Variants in ARHGAP29 observed in about 807,000 individuals in gnomAD.
ARHGAP29 encodes Rho GTPase activating protein 29.
ARHGAP29 carries 43 observed loss-of-function variants against 122.6 expected under a neutral mutation model. The ratio of observed to expected loss-of-function variants is 0.35; its 90% CI spans 0.27 to 0.45. ARHGAP29 has a LOEUF of 0.45. ARHGAP29 is among the 20% of genes least tolerant of loss of function. ARHGAP29 has a pLI of 1.00. For missense variants in ARHGAP29, 1,303 were observed against 1,477.2 expected, an observed-to-expected ratio of 0.88 and a Z score of 1.93; for synonymous variants, 506 against 497.1, an observed-to-expected ratio of 1.02 and a Z score of -0.24.
In ARHGAP29 at chr1:94,174,144, C is replaced by A; in HGVS notation, c.3511G>T (p.Ala1171Ser). The change falls in exon 23 of 23, where the codon GCT (alanine) becomes TCT (serine). Residue 1171 changes from alanine to serine, a missense_variant. Coordinates refer to ENST00000260526, the MANE Select transcript of ARHGAP29 (RefSeq NM_004815.4). ...TTCCCCCTGATACTGATGATGGGAG[C>A]ATGTGGTTTATAAAATGTTGTCCAA... Reference protein sequence around the residue: ...QHWTTFYKPHAPIISIRGNEE... With the variant: ...QHWTTFYKPHSPIISIRGNEE... The A allele has an allele frequency of 1.2e-6, 2 of 1,614,144 alleles. No homozygotes were observed. The highest frequency in any genetic ancestry group is 1.7e-6 in the Non-Finnish European group (2 of 1,180,036).
chr1:94,237,588 G>GCCGCCACCGCCCCTGCAGCTA, upstream of ARHGAP29: 1 of 989,462 alleles, frequency 1.0e-6, no homozygotes, highest in Non-Finnish European at 1.2e-6. Flanking sequence ...CACCACTGCA[G>GCCGCCACCGCCCCTGCAGCTA]CCGCCACCGC....
At chr1:94,285,233 A>G in the ARHGAP29 span, among the ~76,000 whole-genome samples, 1 of 152,170 alleles carries the variant, frequency 6.6e-6, no homozygotes, top group African/African-American at 2.4e-5. Flanking sequence ...TTGACTGTAG[A>G]TTGAGTATGG....
chr1:94,285,340 TAAA>T, the ARHGAP29 span, among the ~76,000 whole-genome samples: 1 of 144,698 alleles, frequency 6.9e-6, no homozygotes, highest in East Asian at 2.0e-4. Context: ...AGATACAGGT[TAAA>T]AAAAAAAAAT....
intron 1 of ARHGAP29, among the ~76,000 whole-genome samples, chr1:94,259,165 G>A (rs949925746): frequency 6.6e-6 from 1 of 152,190 alleles, no homozygotes; most frequent in Non-Finnish European, 1.5e-5. Context: ...GTCATAAGGA[G>A]TGTTCTTTTA....
chr1:94,224,721 T>C (rs1312370487), intron 2 of ARHGAP29, among the ~76,000 whole-genome samples: 1 of 152,120 alleles, frequency 6.6e-6, no homozygotes, highest in Non-Finnish European at 1.5e-5. Flanking sequence ...AATCTGTCCC[T>C]GGATTTCAAG....
At chr1:94,179,074 T>C (rs1317015928) in intron 20 of ARHGAP29, among the ~76,000 whole-genome samples, 1 of 152,210 alleles carries the variant, frequency 6.6e-6, no homozygotes, top group Non-Finnish European at 1.5e-5. Flanking sequence ...ACTCTATTTG[T>C]CTGCAGATCT....
intron 3 of ARHGAP29, among the ~76,000 whole-genome samples, chr1:94,212,645 G>A (rs1432350479): frequency 6.6e-6 from 1 of 152,120 alleles, no homozygotes; most frequent in Non-Finnish European, 1.5e-5. Flanking sequence ...CAACTGTTGA[G>A]TAGTGAAAAG....
At chr1:94,267,564 A>T (rs1041438688) in intron 1 of ARHGAP29, among the ~76,000 whole-genome samples, 5 of 145,738 alleles carry the variant, frequency 3.4e-5, no homozygotes, top group African/African-American at 1.3e-4. Context: ...AATAGTTGTG[A>T]GTGAAAATTT....
upstream of ARHGAP29, among the ~76,000 whole-genome samples, chr1:94,277,897 C>G (rs1302659604): frequency 6.6e-6 from 1 of 152,184 alleles, no homozygotes; most frequent in African/African-American, 2.4e-5. Context: ...CAAGGTATAG[C>G]TACTGAAGGG....
chr1:94,200,308 A>G (rs920681962), intron 12 of ARHGAP29, among the ~76,000 whole-genome samples: 8 of 152,226 alleles, frequency 5.3e-5, no homozygotes, highest in Non-Finnish European at 1.2e-4. Context: ...AAGATGCTCA[A>G]TATCGTTAAT....
intron 12 of ARHGAP29, among the ~76,000 whole-genome samples, chr1:94,198,824 G>A (rs1231842831): frequency 2.0e-5 from 3 of 152,144 alleles, no homozygotes; most frequent in South Asian, 4.1e-4. Context: ...GAGTTTTTTG[G>A]AGATATGGAC....
chr1:94,275,580 CAGG>C (rs1274755910), upstream of ARHGAP29, among the ~76,000 whole-genome samples: 3 of 152,148 alleles, frequency 2.0e-5, no homozygotes, highest in Non-Finnish European at 4.4e-5. Context: ...TAGCAAAACA[CAGG>C]AGAATTCTTC....
Position 94,202,964 on chromosome 1 carries a change from T to C in ARHGAP29, c.908A>G (p.Gln303Arg). 6.2e-7 allele frequency: 1 copy of C among 1,609,522 alleles called. No homozygotes were observed. Among genetic ancestry groups the C allele is most frequent in the South Asian group, 1.1e-5 (1 of 89,508 alleles). The part of the protein sequence containing the change: ...LLGRKNEMEK[Q>R]RKEIKELWKQ... The stretch of plus-strand genomic sequence containing the variant: ...CCAAAGCTCTTTTATTTCTTTCCTT[T>C]GTTTTTCCATTTCATTTTTCCTTCC... The change falls in exon 10 of 23, where the codon CAA becomes CGA. Residue 303 changes from glutamine to arginine, a missense_variant. Physicochemically the swap from Gln to Arg is conservative, Grantham distance 43. Around this residue, in one of 3 missense-constraint regions of ARHGAP29, gnomAD observed 592 missense variants for 648.2 expected, o/e 0.91. Coordinates refer to ENST00000260526, the MANE Select transcript of ARHGAP29 (RefSeq NM_004815.4).
intron 19 of ARHGAP29, among the ~76,000 whole-genome samples, chr1:94,182,484 C>T (rs1401659075): frequency 6.6e-6 from 1 of 151,896 alleles, no homozygotes; most frequent in Non-Finnish European, 1.5e-5. Flanking sequence ...ATAAAATACA[C>T]CCACATCAAA....
Position 94,186,577 on chromosome 1 carries a change from G to T in ARHGAP29, c.1702C>A (p.Pro568Thr). Residue 568 changes from proline (P) to threonine (T), a missense_variant, in exon 16 of 23, where the codon CCA becomes ACA. Physicochemically the swap from Pro to Thr is conservative, Grantham distance 38 (BLOSUM62 -1). This residue lies in a region of ARHGAP29 where 91 missense variants were observed against 177.8 expected (regional missense o/e 0.51). Coordinates refer to ENST00000260526, the MANE Select transcript of ARHGAP29 (RefSeq NM_004815.4). ...ATAGTTCCACTGGATGGTGTTCGTG[G>T]AAGTTTTCGATGAAAGTCTCCTAGA... is the stretch of plus-strand genomic sequence containing the variant. Reference protein sequence around the residue: ...ISPGDFHRKLPRTPSSGTMSS... With the variant: ...ISPGDFHRKLTRTPSSGTMSS... 6.2e-7 allele frequency: 1 copy of T among 1,613,446 alleles called. No homozygotes were observed. The highest frequency in any genetic ancestry group is 8.5e-7 in the Non-Finnish European group (1 of 1,179,636).
At position 94,173,957 on chromosome 1, in the gene ARHGAP29, G is replaced by C. The variant is rs1483897043; in HGVS notation, c.3698C>G (p.Pro1233Arg). The change falls in exon 23 of 23, where the codon CCT becomes CGT. Residue 1233 changes from proline (P) to arginine (R), a missense_variant. Pro to Arg is a moderately radical substitution (Grantham distance 103). Coordinates refer to ENST00000260526, the MANE Select transcript of ARHGAP29 (RefSeq NM_004815.4). ...PKEDSEELGL[P>R]DVNPMCQRPR... ...TCTCTGACACATTGGATTCACATCAGGCAAGCCAAGCTCCTCAGAGTCTTC... is the reference window on the plus strand; with the variant it reads ...TCTCTGACACATTGGATTCACATCACGCAAGCCAAGCTCCTCAGAGTCTTC... The C allele has an allele frequency of 1.2e-6, 2 of 1,614,084 alleles. No homozygotes were observed. The highest frequency in any genetic ancestry group is 1.7e-6 in the Non-Finnish European group (2 of 1,180,044).
At chr1:94,255,286 A>G (rs1182470702) in intron 1 of ARHGAP29, among the ~76,000 whole-genome samples, 2 of 152,212 alleles carry the variant, frequency 1.3e-5, no homozygotes, top group African/African-American at 4.8e-5. Context: ...ATGGCCATCT[A>G]TCTACAAGTT....
upstream of ARHGAP29, among the ~76,000 whole-genome samples, chr1:94,238,737 A>G (rs1653453865): frequency 1.3e-5 from 2 of 152,306 alleles, no homozygotes; most frequent in South Asian, 4.1e-4. Flanking sequence ...GTGAAGGCAA[A>G]AAGAGAAAAT....
chr1:94,256,799 C>G (rs1360464353), intron 1 of ARHGAP29, among the ~76,000 whole-genome samples: 1 of 151,530 alleles, frequency 6.6e-6, no homozygotes, highest in Admixed American at 6.6e-5. Flanking sequence ...ACCTCGTGAT[C>G]CGCCCGCCTC....
Sources: gnomAD v4.1 joint callset for allele counts (sites outside exome capture counted in the v4.1 genomes callset) on GRCh38, gnomAD v4.1.1 for gene constraint, gnomAD v4.1.1 regional missense constraint, MANE v1.5 for transcripts, NCBI Gene and HGNC (gene_info 2026-07-23, HGNC 2026-07-21) for gene names.